The following ART4 variants were observed in gnomAD, a reference collection of about 807,000 sequenced individuals.
The protein encoded by ART4 is ecto-ADP-ribosyltransferase 4.
ART4 carries 14 observed loss-of-function variants against 24.2 expected under a neutral mutation model. The observed-to-expected ratio is 0.58, with a 90% CI of 0.38 to 0.90. The LOEUF is 0.90. ART4 is among the 40% of genes least tolerant of loss of function. The pLI is 0.00. For synonymous variants in ART4, 145 were observed against 139.9 expected (o/e 1.04, Z -0.26); for missense variants, 356 against 366.6 (o/e 0.97, Z 0.24).
intron 2 of ART4, among the ~76,000 whole-genome samples, chr12:14,838,075 C>T (rs1950442887): frequency 1.3e-5 from 2 of 152,144 alleles, no homozygotes; most frequent in South Asian, 4.1e-4. Flanking sequence ...TATTGATTCC[C>T]TTAAGTGTGA....
chr12:14,841,132 C>T lies in ART4; in HGVS notation c.166G>A (p.Asp56Asn), dbSNP rs775874295. 1.1e-5 allele frequency: 17 copies of T among 1,571,064 alleles called. No individual in the cohort carries two copies. The highest frequency in any genetic ancestry group is 2.1e-5 in the Admixed American group (1 of 48,592). Residue 56 changes from aspartate to asparagine, a missense_variant, in exon 2 of 3, where the codon GAC becomes AAC. Coordinates refer to ENST00000228936, the MANE Select transcript of ART4 (RefSeq NM_021071.4). ...TCATCAAAAGAACCTGGTGCGAAGT[C>T]GAAGTCGATTTTAATTGCAACCTGT... ...GSEVAIKIDF[D>N]FAPGSFDDQY... is the part of the protein sequence containing the mutation.
intron 2 of ART4, among the ~76,000 whole-genome samples, chr12:14,837,442 G>A (rs1014933896): frequency 1.3e-5 from 2 of 152,208 alleles, no homozygotes; most frequent in Admixed American, 6.5e-5. Flanking sequence ...CTATGTGCCA[G>A]AGGACTGAAG....
intron 2 of ART4, among the ~76,000 whole-genome samples, chr12:14,832,527 A>G (rs1044200252): frequency 1.3e-5 from 2 of 152,186 alleles, no homozygotes; most frequent in Non-Finnish European, 2.9e-5. Flanking sequence ...TAACTACGAC[A>G]TAATTTACTT....
Position 14,827,227 on chromosome 12 carries a change from C to T in ART4, c.*2144G>A, listed in dbSNP as rs1950364733. On this transcript the variant is annotated 3_prime_UTR_variant, in exon 3 of 3. Transcript: ENST00000228936. ...ATTTATATGGCACAGGAAAAATGTA[C>T]TTAAGATGTTGGGTGGCTTTTACCA... 1 of 152,062 alleles carries T rather than the reference C, an allele frequency of 6.6e-6. No individual in the cohort carries two copies. The highest frequency in any genetic ancestry group is 2.4e-5 in the African/African-American group (1 of 41,384). 9.4% of individuals were successfully genotyped at this position (152,062 alleles called of 1,614,324 possible).
chr12:14,841,400 C>T (rs910353885), intron 1 of ART4, among the ~76,000 whole-genome samples: 1 of 152,176 alleles, frequency 6.6e-6, no homozygotes, highest in Non-Finnish European at 1.5e-5. Flanking sequence ...GAGGAAGTAA[C>T]TCTTTTAATA....
chr12:14,842,108 T>C (rs1337913434), intron 1 of ART4, among the ~76,000 whole-genome samples: 1 of 152,252 alleles, frequency 6.6e-6, no homozygotes, highest in African/African-American at 2.4e-5. Flanking sequence ...TAGTGCATGC[T>C]AAACTGAAAT....
At chr12:14,835,427 G>A (rs1221236331) in intron 2 of ART4, among the ~76,000 whole-genome samples, 3 of 152,106 alleles carry the variant, frequency 2.0e-5, no homozygotes, top group African/African-American at 7.2e-5. Flanking sequence ...TATTGTTCAT[G>A]TATGGCTCAG....
chr12:14,828,179 G>A lies in ART4; in HGVS notation c.*1192C>T, dbSNP rs982999845. ...ACTAGTTTACATGTAATGAGACCTC[G>A]CTATATTGCTGATATTTGTTTGTAA... On this transcript the variant is annotated 3_prime_UTR_variant, in exon 3 of 3. Transcript: ENST00000228936. 3 of 152,016 alleles carry A rather than the reference G, an allele frequency of 2.0e-5. No individual in the cohort carries two copies. The highest frequency in any genetic ancestry group is 7.2e-5 in the African/African-American group (3 of 41,382). 9.4% of individuals were successfully genotyped at this position (152,016 alleles called of 1,614,324 possible).
At chr12:14,837,051 C>T (rs963986510) in intron 2 of ART4, among the ~76,000 whole-genome samples, 1 of 152,160 alleles carries the variant, frequency 6.6e-6, no homozygotes, top group Non-Finnish European at 1.5e-5. Flanking sequence ...GATCTGATCA[C>T]TGAGAGGGCT....
intron 2 of ART4, among the ~76,000 whole-genome samples, chr12:14,835,584 CTG>C (rs1470633847): frequency 6.6e-6 from 1 of 151,606 alleles, no homozygotes; most frequent in East Asian, 1.9e-4. Flanking sequence ...TAGCGAATAA[CTG>C]AAAACATTCT....
In ART4 at chr12:14,843,062, G is replaced by T; in HGVS notation, c.52C>A (p.Pro18Thr). Residue 18 changes from proline (P) to threonine (T), a missense_variant, in exon 1 of 3, where the codon CCT (proline) becomes ACT (threonine). Transcript: ENST00000228936. Reference sequence around the variant, plus strand: ...AGCCAGATTCTCATCGTTGCAGGAGGTACAGTAGTTGGGAGAAGAATCTTC... The same window carrying T: ...AGCCAGATTCTCATCGTTGCAGGAGTTACAGTAGTTGGGAGAAGAATCTTC... Reference protein sequence around the residue: ...CKKILLPTTVPPATMRIWLLG... With the variant: ...CKKILLPTTVTPATMRIWLLG... 1 of 1,614,222 alleles carries T rather than the reference G, an allele frequency of 6.2e-7. No individual in the cohort carries two copies. Among genetic ancestry groups the T allele is most frequent in the Admixed American group, 1.7e-5 (1 of 60,028 alleles).
At chr12:14,830,315 C>T (rs943871566) in intron 2 of ART4, among the ~76,000 whole-genome samples, 2 of 151,492 alleles carry the variant, frequency 1.3e-5, no homozygotes, top group Non-Finnish European at 2.9e-5. Context: ...GAGATGGAAA[C>T]CCTGTAAAAA....
At position 14,841,153 on chromosome 12, in the gene ART4, C is replaced by A; in HGVS notation, c.145G>T (p.Val49Phe). Residue 49 changes from valine (V) to phenylalanine (F), a missense_variant and splice_region_variant, in exon 2 of 3, where the codon GTT becomes TTT. Val to Phe is a conservative substitution (Grantham distance 50, BLOSUM62 -1). Transcript: ENST00000228936. ...GLQRPTEGSEVAIKIDFDFAP... is the reference protein window; with the variant it reads ...GLQRPTEGSEFAIKIDFDFAP... ...AAGTCGAAGTCGATTTTAATTGCAA[C>A]CTGTAAAAAAAGAAAAATCTTGAGT... 6.4e-7 allele frequency: 1 copy of A among 1,567,356 alleles called. No individual in the cohort carries two copies. The highest frequency in any genetic ancestry group is 8.6e-7 in the Non-Finnish European group (1 of 1,163,246).
chr12:14,833,826 T>C (rs115763896), intron 2 of ART4, among the ~76,000 whole-genome samples: 142 of 152,338 alleles, frequency 9.3e-4, no homozygotes, highest in African/African-American at 3.2e-3. Context: ...AGCCTCTTTC[T>C]GTCAAAATGC....
chr12:14,840,821 T>C lies in ART4; in HGVS notation c.477A>G (p.Leu159=), dbSNP rs1863033405. 2 of 1,614,082 alleles carry C rather than the reference T, an allele frequency of 1.2e-6. No homozygotes were observed. The highest frequency in any genetic ancestry group is 1.3e-5 in the African/African-American group (1 of 74,928). ...GGATTGCTGAGGTGAGGTAGTAGTG[T>C]AAATATTTGAAGTGGAATGAACGTT... is the stretch of plus-strand genomic sequence containing the variant. The part of the protein sequence containing the change: ...QYERSFHFKY[L]HYYLTSAIQL... The change falls in exon 2 of 3, where the codon TTA becomes TTG. Residue 159 remains leucine, a synonymous_variant. Coordinates refer to ENST00000228936, the MANE Select transcript of ART4 (RefSeq NM_021071.4).
chr12:14,829,841 G>A (rs1012541155), intron 2 of ART4, among the ~76,000 whole-genome samples: 1 of 151,998 alleles, frequency 6.6e-6, no homozygotes, highest in African/African-American at 2.4e-5. Context: ...GATCTATTTC[G>A]AGCCCTTGCT....
chr12:14,838,795 G>A (rs765331613), intron 2 of ART4, among the ~76,000 whole-genome samples: 2 of 152,030 alleles, frequency 1.3e-5, no homozygotes, highest in Non-Finnish European at 2.9e-5. Flanking sequence ...ATAAATCATA[G>A]CAATAATGAT....
chr12:14,839,331 G>C lies in ART4; in HGVS notation c.853+1114C>G, dbSNP rs1950450834. Among the ~76,000 whole-genome samples the C allele has an allele frequency of 2.0e-5, 3 of 152,158 alleles. No individual in the cohort carries two copies. The South Asian group carries it at 6.2e-4, about 31-fold the overall frequency. ...AATTTCAGAGTCCCTGAAGACACCAGGCTGTTTGAAATCCTTGTGATTAAC... is the reference window on the plus strand; with the variant it reads ...AATTTCAGAGTCCCTGAAGACACCACGCTGTTTGAAATCCTTGTGATTAAC... On this transcript the variant is annotated intron_variant, in intron 2 of 2. Transcript: ENST00000228936.
At position 14,843,015 on chromosome 12, in the gene ART4, G is replaced by A; in HGVS notation, c.99C>T (p.Phe33=). The change falls in exon 1 of 3, where the codon TTC becomes TTT. Residue 33 remains phenylalanine, a synonymous_variant. Coordinates refer to ENST00000228936, the MANE Select transcript of ART4 (RefSeq NM_021071.4). ...RIWLLGGLLP[F]LLLLSGLQRP... The stretch of plus-strand genomic sequence containing the variant: ...TCTGCAGGCCAGAGAGGAGCAGCAG[G>A]AATGGCAGCAGGCCTCCAAGGAGCC... The A allele has an allele frequency of 1.9e-6, 3 of 1,613,902 alleles. No individual in the cohort carries two copies. The highest frequency in any genetic ancestry group is 2.5e-6 in the Non-Finnish European group (3 of 1,179,964).
Sources: gnomAD v4.1 joint callset for allele counts (sites outside exome capture counted in the v4.1 genomes callset) on GRCh38, gnomAD v4.1.1 for gene constraint, MANE v1.5 for transcripts, NCBI Gene and HGNC (gene_info 2026-07-23, HGNC 2026-07-21) for gene names.